ADCYAP1: variants seen among roughly 807,000 people sequenced by gnomAD.
ADCYAP1 encodes the protein pituitary adenylate cyclase-activating polypeptide.
ADCYAP1 carries 6 observed loss-of-function variants against 18.5 expected under a neutral mutation model. That is an observed-to-expected ratio of 0.32 (90% CI 0.18 to 0.64). The LOEUF is 0.64. Ranked by LOEUF, ADCYAP1 falls within the 30% of genes least tolerant of loss-of-function variation. The probability of loss-of-function intolerance (pLI) is 0.77; values close to 1 mark genes in which losing one functional copy is unlikely to be tolerated. For synonymous variants in ADCYAP1, 136 were observed against 113.9 expected, an observed-to-expected ratio of 1.19 and a Z score of -1.24; for missense variants, 314 against 253.6, an observed-to-expected ratio of 1.24 and a Z score of -1.62.
rs746426997 is a variant in ADCYAP1 at position 908,344 on chromosome 18, C to T, written c.322C>T (p.Leu108Phe). 5.6e-6 allele frequency: 9 copies of T among 1,613,036 alleles called. No homozygotes were observed. The highest frequency in any genetic ancestry group is 1.3e-5 in the African/African-American group (1 of 74,886). ...QLSAGKHLQS[L>F]VARGVGGSLG... ...GTCCGCCGGGAAGCACCTGCAGTCG[C>T]TCGTGGCCCGGGGCGTGGGGTAAGA... The change falls in exon 4 of 5, where the codon CTC becomes TTC. Residue 108 changes from leucine (L) to phenylalanine (F), a missense_variant. Physicochemically the swap from Leu to Phe is conservative, Grantham distance 22. Transcript: ENST00000450565.
upstream of ADCYAP1, chr18:904,810 G>A: frequency 7.8e-7 from 1 of 1,285,740 alleles, no homozygotes; most frequent in Non-Finnish European, 1.0e-6. Context: ...CTCTCTCTCT[G>A]CGCCCCCTTC....
rs188534866 is a variant in ADCYAP1, at chr18:911,269, T to C, written c.*1634T>C. ...CTGTTTCCTGTCAATTCTTTGAACATACAGAGTAATCTTTATAAACAAAAG... is the reference window on the plus strand; with the variant it reads ...CTGTTTCCTGTCAATTCTTTGAACACACAGAGTAATCTTTATAAACAAAAG... On this transcript the variant is annotated 3_prime_UTR_variant, in exon 5 of 5. Coordinates refer to ENST00000450565, the MANE Select transcript of ADCYAP1 (RefSeq NM_001099733.2). The C allele has an allele frequency of 9.2e-5, 14 of 152,192 alleles. No individual in the cohort carries two copies. The East Asian group carries it at 2.5e-3, about 27-fold the overall frequency. The allele number at this position is 152,192 out of a possible 1,614,324, so 9.4% of individuals were successfully genotyped here.
rs2143120685 is a variant in ADCYAP1, at chr18:908,381, G to A, written c.341+18G>A. ...GGCGTGGGGTAAGAGTTTGTGGAAG[G>A]ATTAACCTGCGCGCGCCGGGGTGGG... On this transcript the variant is annotated intron_variant, in intron 4 of 4. Transcript: ENST00000450565. 4 of 1,603,492 alleles carry A rather than the reference G, an allele frequency of 2.5e-6. No individual in the cohort carries two copies. The highest frequency in any genetic ancestry group is 1.7e-5 in the Admixed American group (1 of 59,562).
chr18:905,764 C>T (rs1233671751), intron 2 of ADCYAP1: 10 of 496,342 alleles, frequency 2.0e-5, no homozygotes, highest in African/African-American at 7.9e-5. Flanking sequence ...GCTGGAGAAC[C>T]CCCCCTCCCC....
rs1432908496 is a variant in ADCYAP1, at chr18:911,417, G to C, written c.*1782G>C. 1.4e-5 allele frequency: 2 copies of C among 138,800 alleles called. No individual in the cohort carries two copies. The highest frequency in any genetic ancestry group is 5.3e-5 in the African/African-American group (2 of 37,806). The allele number at this position is 138,800 out of a possible 1,614,324, so 8.6% of individuals were successfully genotyped here. A position where few individuals can be genotyped will look rare whatever the true frequency, so the allele number is the denominator to read the frequency against. On this transcript the variant is annotated 3_prime_UTR_variant, in exon 5 of 5. Coordinates refer to ENST00000450565, the MANE Select transcript of ADCYAP1 (RefSeq NM_001099733.2). ...TTTGAAAAAAGAAGATGAAGAAGAA[G>C]AAAAAAAAAAGAACAAGGAAAGATT...
At chr18:905,690 C>T (rs1357950021) in intron 2 of ADCYAP1, 194 bp downstream of exon 2, 2 of 669,136 alleles carry the variant, frequency 3.0e-6, no homozygotes, top group Non-Finnish European at 5.0e-6. Context: ...TCCGCGACTG[C>T]TCGGACGCCT....
intron 3 of ADCYAP1, 23 bp downstream of exon 3, chr18:907,813 C>A: frequency 7.0e-7 from 1 of 1,420,406 alleles, no homozygotes; most frequent in Non-Finnish European, 9.1e-7. Flanking sequence ...CGGCCTCGCG[C>A]ACACCCGCGG....
intron 1 of ADCYAP1, 123 bp from the exon 2 acceptor site, chr18:905,263 T>C: frequency 6.6e-7 from 1 of 1,507,074 alleles, no homozygotes; most frequent in Non-Finnish European, 8.8e-7. Context: ...CCAAGTGCTG[T>C]TCAACTCAGG....
intron 4 of ADCYAP1, 31 bp downstream of exon 4, chr18:908,394 G>T (rs1410626412): frequency 1.3e-6 from 2 of 1,591,354 alleles, no homozygotes; most frequent in East Asian, 4.5e-5. Context: ...TAACCTGCGC[G>T]CGCCGGGGTG....
intron 2 of ADCYAP1, 62 bp from the exon 3 acceptor site, chr18:907,597 T>C: frequency 6.6e-7 from 1 of 1,517,904 alleles, no homozygotes; most frequent in Non-Finnish European, 8.8e-7. Context: ...TTACTTTGGA[T>C]CCTCGCCGAG....
At position 909,639 on chromosome 18, in the gene ADCYAP1, T is replaced by C. The variant is rs1226061114; in HGVS notation, c.*4T>C. Reference sequence around the variant, plus strand: ...ACGCCGAATAGCTTATTTGTAGCGATGGGTTACCAGCTACCCTGTGTATAC... The same window carrying C: ...ACGCCGAATAGCTTATTTGTAGCGACGGGTTACCAGCTACCCTGTGTATAC... On this transcript the variant is annotated 3_prime_UTR_variant, in exon 5 of 5. Transcript: ENST00000450565. 5 of 1,612,770 alleles carry C rather than the reference T, an allele frequency of 3.1e-6. No homozygotes were observed. Among genetic ancestry groups the C allele is most frequent in the Admixed American group, 3.3e-5 (2 of 59,954 alleles).
chr18:905,693 G>A (rs1909142964), intron 2 of ADCYAP1, 197 bp downstream of exon 2: 1 of 666,730 alleles, frequency 1.5e-6, no homozygotes, highest in Non-Finnish European at 2.5e-6. Flanking sequence ...GCGACTGCTC[G>A]GACGCCTCCC....
At chr18:907,019 C>A (rs944356016) in intron 2 of ADCYAP1, among the ~76,000 whole-genome samples, 7 of 152,150 alleles carry the variant, frequency 4.6e-5, no homozygotes, top group Admixed American at 1.3e-4. Flanking sequence ...GGTGCGGACG[C>A]GCCACAGTCT....
Position 910,460 on chromosome 18 carries a change from C to T in ADCYAP1, c.*825C>T, listed in dbSNP as rs940296217. ...TCGTTAGACCGCTCTCTTTTCTGTA[C>T]TTCCTGAGTGGCCAGGGAATCTAAT... On this transcript the variant is annotated 3_prime_UTR_variant, in exon 5 of 5. Coordinates refer to ENST00000450565, the MANE Select transcript of ADCYAP1 (RefSeq NM_001099733.2). The T allele has an allele frequency of 2.6e-5, 4 of 152,252 alleles. No individual in the cohort carries two copies. The highest frequency in any genetic ancestry group is 9.6e-5 in the African/African-American group (4 of 41,460). The allele number at this position is 152,252 out of a possible 1,614,324, so 9.4% of individuals were successfully genotyped here.
intron 4 of ADCYAP1, 26 bp downstream of exon 4, chr18:908,389 T>G: frequency 6.3e-7 from 1 of 1,594,818 alleles, no homozygotes; most frequent in South Asian, 1.1e-5. Context: ...AGGATTAACC[T>G]GCGCGCGCCG....
At position 909,550 on chromosome 18, in the gene ADCYAP1, C is replaced by G. The variant is rs1909308401; in HGVS notation, c.446C>G (p.Ala149Gly). 1 of 1,614,062 alleles carries G rather than the reference C, an allele frequency of 6.2e-7. No homozygotes were observed. Among genetic ancestry groups the G allele is most frequent in the African/African-American group, 1.3e-5 (1 of 74,936 alleles). Residue 149 changes from alanine to glycine, a missense_variant, in exon 5 of 5, where the codon GCT (alanine) becomes GGT (glycine). Ala to Gly is a moderately conservative substitution (Grantham distance 60, BLOSUM62 0). Coordinates refer to ENST00000450565, the MANE Select transcript of ADCYAP1 (RefSeq NM_001099733.2). ...DSYSRYRKQM[A>G]VKKYLAAVLG... is the part of the protein sequence containing the mutation. ...TACAGCCGCTACCGGAAACAAATGGCTGTCAAGAAATACTTGGCGGCCGTC... is the reference window on the plus strand; with the variant it reads ...TACAGCCGCTACCGGAAACAAATGGGTGTCAAGAAATACTTGGCGGCCGTC...
Position 908,377 on chromosome 18 carries a change from G to C in ADCYAP1, c.341+14G>C, listed in dbSNP as rs1205772126. The C allele has an allele frequency of 4.3e-6, 7 of 1,609,246 alleles. No homozygotes were observed. The highest frequency in any genetic ancestry group is 5.9e-6 in the Non-Finnish European group (7 of 1,177,408). On this transcript the variant is annotated intron_variant, in intron 4 of 4. Coordinates refer to ENST00000450565, the MANE Select transcript of ADCYAP1 (RefSeq NM_001099733.2). ...CCGGGGCGTGGGGTAAGAGTTTGTG[G>C]AAGGATTAACCTGCGCGCGCCGGGG...
intron 2 of ADCYAP1, among the ~76,000 whole-genome samples, chr18:907,193 C>G (rs377251407): frequency 3.9e-5 from 6 of 152,338 alleles, no homozygotes; most frequent in East Asian, 3.9e-4. Context: ...GAGGAGTTGG[C>G]CCCCGCACGC....
intron 4 of ADCYAP1, 71 bp downstream of exon 4, chr18:908,434 G>C: frequency 7.3e-7 from 1 of 1,371,136 alleles, no homozygotes; most frequent in Non-Finnish European, 1.0e-6. Context: ...CGGGGCGGGC[G>C]GCGGTGGGTG....
Sources: allele counts gnomAD v4.1 joint callset (sites outside exome capture counted in the v4.1 genomes callset), GRCh38; gene constraint gnomAD v4.1.1; transcripts MANE v1.5; gene names NCBI Gene and HGNC (gene_info 2026-07-23, HGNC 2026-07-21).